Variants in CORO7 observed in about 807,000 individuals in gnomAD.
CORO7 encodes the protein coronin 7.
A neutral mutation model predicts 126.6 loss-of-function variants in CORO7; 107 were observed. The ratio of observed to expected loss-of-function variants is 0.85; its 90% CI spans 0.72 to 0.99. CORO7 has a LOEUF of 0.99. Ranked by LOEUF, CORO7 falls within the 50% of genes least tolerant of loss-of-function variation. CORO7 has a pLI of 0.00. For missense variants in CORO7, 1,314 were observed against 1,255.8 expected, an observed-to-expected ratio of 1.05 and a Z score of -0.70; for synonymous variants, 603 against 536.8, an observed-to-expected ratio of 1.12 and a Z score of -1.70.
chr16:4,388,090 G>A (rs757216997), intron 8 of CORO7, 22 bp from the exon 9 acceptor site: 2 of 1,602,484 alleles, frequency 1.2e-6, no homozygotes, highest in Non-Finnish European at 8.5e-7. Context: ...GCGAGAGAGG[G>A]GCTCAGAGGG....
chr16:4,364,132 G>A lies in CORO7; in HGVS notation c.1275+144C>T, dbSNP rs190130177. The A allele has an allele frequency of 4.2e-4, 493 of 1,162,938 alleles. 6 individuals carry two copies. The African/African-American group carries it at 7.2e-3, about 17-fold the overall frequency. The allele number at this position is 1,162,938 out of a possible 1,614,324, so 72.0% of individuals were successfully genotyped here. A position where few individuals can be genotyped will look rare whatever the true frequency, so the allele number is the denominator to read the frequency against. On this transcript the variant is annotated intron_variant, in intron 14 of 27. Transcript: ENST00000251166. ...ACCTAGGAAGAGGAGGTTGCAGTGA[G>A]CCGAGGTTGCGCCACTGCACTCTAG...
At chr16:4,408,511 T>C (rs2056093465) in intron 3 of CORO7, among the ~76,000 whole-genome samples, 1 of 152,126 alleles carries the variant, frequency 6.6e-6, no homozygotes, top group Non-Finnish European at 1.5e-5. Flanking sequence ...GCCGCTTGAG[T>C]CACCAGGCAC....
chr16:4,402,517 G>T (rs1018327698), intron 6 of CORO7, among the ~76,000 whole-genome samples: 2 of 152,192 alleles, frequency 1.3e-5, no homozygotes, highest in Non-Finnish European at 2.9e-5. Flanking sequence ...AAAGTGCTGG[G>T]ATGACAGGCG....
chr16:4,395,171 T>C lies in CORO7; in HGVS notation c.615+118A>G, dbSNP rs1179241273. 3.5e-6 allele frequency: 5 copies of C among 1,442,324 alleles called. No homozygotes were observed. In the Admixed American group the frequency reaches 1.0e-4, roughly 29 times the overall value. The allele number at this position is 1,442,324 out of a possible 1,614,324, so 89.3% of individuals were successfully genotyped here. On this transcript the variant is annotated intron_variant, in intron 7 of 27. Transcript: ENST00000251166. ...TGGTCCACCTCCTGGGGACCCCTGG[T>C]GCTGCAGAACATGTCTGCCAGGACC...
chr16:4,362,105 G>A lies in CORO7; in HGVS notation c.1458C>T (p.His486=), dbSNP rs770363406. 19 of 1,613,076 alleles carry A rather than the reference G, an allele frequency of 1.2e-5. No homozygotes were observed. The highest frequency in any genetic ancestry group is 1.5e-5 in the Non-Finnish European group (18 of 1,179,944). Residue 486 remains histidine (H), a synonymous_variant, in exon 16 of 28, where the codon CAC becomes CAT. Coordinates refer to ENST00000251166, the MANE Select transcript of CORO7 (RefSeq NM_024535.5). This position sits in a 1 kb window ranked among gnomAD's most constrained non-coding sequence, Gnocchi z 5.3. ...AQGTVLHRDS[H]ITNLKGLNLT... The stretch of plus-strand genomic sequence containing the variant: ...GGTTGAGCCCCTTGAGGTTGGTGAT[G>A]TGGCTGTCTCGGTGCAGGACAGTGC...
chr16:4,372,821 T>C (rs1448775221), intron 9 of CORO7, among the ~76,000 whole-genome samples: 2 of 151,762 alleles, frequency 1.3e-5, no homozygotes, highest in Non-Finnish European at 2.9e-5. Context: ...GGCCCAGGGG[T>C]GGAGTGTGCA....
At chr16:4,395,197 C>T in intron 7 of CORO7, 92 bp downstream of exon 7, 3 of 1,585,496 alleles carry the variant, frequency 1.9e-6, no homozygotes, top group Non-Finnish European at 2.6e-6. Context: ...TGCCAGGACC[C>T]CAGGCCTGCC....
intron 9 of CORO7, among the ~76,000 whole-genome samples, chr16:4,368,859 C>T (rs2054429921): frequency 6.6e-6 from 1 of 152,018 alleles, no homozygotes; most frequent in Non-Finnish European, 1.5e-5. Flanking sequence ...GTAGGGATCA[C>T]ACTGGCTGCT....
Position 4,362,520 on chromosome 16 carries a change from G to A in CORO7, c.1402+92C>T. 6.8e-7 allele frequency: 1 copy of A among 1,471,888 alleles called. No homozygotes were observed. The highest frequency in any genetic ancestry group is 9.0e-7 in the Non-Finnish European group (1 of 1,113,846). The allele number at this position is 1,471,888 out of a possible 1,614,324, so 91.2% of individuals were successfully genotyped here. A position where few individuals can be genotyped will look rare whatever the true frequency, so the allele number is the denominator to read the frequency against. On this transcript the variant is annotated intron_variant, in intron 15 of 27. Transcript: ENST00000251166. This position sits in a 1 kb window ranked among gnomAD's most constrained non-coding sequence, Gnocchi z 5.3. ...GAGGGGGGTGCCCTGCATGAGGCCT[G>A]TGCTCAGCAGTAGGGTACACAGGAG...
At chr16:4,412,620 C>T in intron 2 of CORO7, 190 bp from the exon 3 acceptor site, 1 of 600,484 alleles carries the variant, frequency 1.7e-6, no homozygotes, top group Non-Finnish European at 2.9e-6. Flanking sequence ...CATGAGCCAT[C>T]CATGCCTCAG....
At chr16:4,392,082 C>G (rs543573144) in intron 7 of CORO7, among the ~76,000 whole-genome samples, 22 of 152,270 alleles carry the variant, frequency 1.4e-4, no homozygotes, top group African/African-American at 5.3e-4. Flanking sequence ...CTGAGGTTCA[C>G]CACCCCCCAC....
At chr16:4,413,170 G>A (rs2056276323) in intron 2 of CORO7, 138 bp downstream of exon 2, 2 of 830,480 alleles carry the variant, frequency 2.4e-6, no homozygotes, top group South Asian at 1.8e-5. Flanking sequence ...GTCTGGCATG[G>A]GGCTCACCTC....
chr16:4,399,379 C>T (rs1023636250), intron 6 of CORO7, among the ~76,000 whole-genome samples: 5 of 152,100 alleles, frequency 3.3e-5, no homozygotes, highest in African/African-American at 1.2e-4. Flanking sequence ...TAAGTCAGCC[C>T]CAAAAGAGCA....
chr16:4,391,050 AG>A (rs2055369088), intron 7 of CORO7, among the ~76,000 whole-genome samples: 1 of 152,230 alleles, frequency 6.6e-6, no homozygotes, highest in Non-Finnish European at 1.5e-5. Context: ...GACCACAGGA[AG>A]CCCCCAGGTG....
chr16:4,362,475 C>A lies in CORO7; in HGVS notation c.1402+137G>T, dbSNP rs2054211910. On this transcript the variant is annotated intron_variant, in intron 15 of 27. Transcript: ENST00000251166. The surrounding 1 kb of genome is among the most constrained non-coding windows in gnomAD (Gnocchi z 5.3). ...ACACCCCAGCCCCCAGGACAAATGA[C>A]CCTGCCAGTGAGTCTGGGTGAGGGG... 4 of 1,420,618 alleles carry A rather than the reference C, an allele frequency of 2.8e-6. No homozygotes were observed. The highest frequency in any genetic ancestry group is 2.5e-5 in the East Asian group (1 of 40,070). 88.0% of individuals were successfully genotyped at this position (1,420,618 alleles called of 1,614,324 possible).
intron 3 of CORO7, among the ~76,000 whole-genome samples, chr16:4,411,613 C>T (rs2056211513): frequency 6.6e-6 from 1 of 152,074 alleles, no homozygotes; most frequent in Non-Finnish European, 1.5e-5. Flanking sequence ...AGAGCAATCT[C>T]CATAAATCTT....
intron 1 of CORO7, among the ~76,000 whole-genome samples, chr16:4,414,635 A>G (rs1212037973): frequency 6.6e-6 from 1 of 152,178 alleles, no homozygotes; most frequent in African/African-American, 2.4e-5. Flanking sequence ...CTCTGAAAAG[A>G]ACAGATCACC....
chr16:4,414,656 C>A (rs1282921666), intron 1 of CORO7, among the ~76,000 whole-genome samples: 1 of 152,174 alleles, frequency 6.6e-6, no homozygotes, highest in East Asian at 1.9e-4. Flanking sequence ...TGTTCTCCCG[C>A]CTCCCTAACA....
Position 4,365,003 on chromosome 16 carries a change from C to G in CORO7, c.898G>C (p.Val300Leu). Residue 300 changes from valine to leucine, a missense_variant and splice_region_variant, in exon 11 of 28, where the codon GTG becomes CTG. By Grantham distance (32) the Val-to-Leu change is conservative (BLOSUM62 1). Transcript: ENST00000251166. ...ATGGGGGCGAGGAAGCAAGGCTTAC[C>G]TGGGCTCAGCGCCGGCTGCTGCGGG... The part of the protein sequence containing the change: ...VVPQQPALSP[V>L]TQCVLESVLR... 4.4e-6 allele frequency: 7 copies of G among 1,606,096 alleles called. No individual in the cohort carries two copies. The highest frequency in any genetic ancestry group is 5.9e-6 in the Non-Finnish European group (7 of 1,176,788).
Sources: allele counts gnomAD v4.1 joint callset (sites outside exome capture counted in the v4.1 genomes callset), GRCh38; gene constraint gnomAD v4.1.1; non-coding constraint Gnocchi (gnomAD v3.1); transcripts MANE v1.5; gene names NCBI Gene and HGNC (gene_info 2026-07-23, HGNC 2026-07-21).